ACSM3: variants seen among roughly 807,000 people sequenced by gnomAD.
The protein encoded by ACSM3 is acyl-CoA synthetase medium chain family member 3.
Under a neutral mutation model 74.1 loss-of-function variants are expected in ACSM3, and 61 were observed. The observed-to-expected ratio is 0.82, with a 90% CI of 0.67 to 1.02. The LOEUF (loss-of-function observed/expected upper bound fraction) is 1.02. Among genes scored for constraint, ACSM3 ranks in the 50% least tolerant of loss-of-function variants. The pLI is 0.00. For synonymous variants in ACSM3, 213 were observed against 241.5 expected (o/e 0.88, Z 1.09); for missense variants, 660 against 697.0 (o/e 0.95, Z 0.60).
chr16:20,760,556 G>A (rs1394564490), upstream of ACSM3, among the ~76,000 whole-genome samples: 1 of 151,840 alleles, frequency 6.6e-6, no homozygotes, highest in Non-Finnish European at 1.5e-5. Flanking sequence ...TAAACTTATC[G>A]GTCTTGTGAC....
rs779279874 is a variant in ACSM3 at position 20,785,033 on chromosome 16, A to G, written c.1069A>G (p.Thr357Ala). 3 of 1,613,588 alleles carry G rather than the reference A, an allele frequency of 1.9e-6. No homozygotes were observed. Among genetic ancestry groups the G allele is most frequent in the African/African-American group, 2.7e-5 (2 of 74,896 alleles). Residue 357 changes from threonine to alanine, a missense_variant, in exon 8 of 14, where the codon ACC becomes GCC. Physicochemically the swap from Thr to Ala is moderately conservative, Grantham distance 58. Coordinates refer to ENST00000289416, the MANE Select transcript of ACSM3 (RefSeq NM_005622.4). ...CTGTGTGAGTGCTGGGGAACCAATT[A>G]CCCCTGACGTGACTGAAAAATGGAG... ...KHCVSAGEPI[T>A]PDVTEKWRNK...
intron 1 of ACSM3, among the ~76,000 whole-genome samples, chr16:20,712,977 A>G (rs2079749126): frequency 6.6e-6 from 1 of 152,066 alleles, no homozygotes; most frequent in African/African-American, 2.4e-5. Flanking sequence ...CCTGCTGAAT[A>G]ACAGTTTTAT....
chr16:20,718,233 T>C, intron 1 of ACSM3: 1 of 243,590 alleles, frequency 4.1e-6, no homozygotes. Flanking sequence ...TGGATTAGGT[T>C]CAGTTCTGTT....
chr16:20,786,193 A>G lies in ACSM3; in HGVS notation c.1224+35A>G, dbSNP rs773942219. 10 of 1,606,576 alleles carry G rather than the reference A, an allele frequency of 6.2e-6. No individual in the cohort carries two copies. In the East Asian group the frequency reaches 2.0e-4, roughly 33 times the overall value. ...TCCCCTTCCAGGAGAATGTTTAACA[A>G]CCCAATCTGTACACTACCTACCTAC... On this transcript the variant is annotated intron_variant, in intron 9 of 13. Transcript: ENST00000289416.
At chr16:20,719,128 T>C (rs1389539893) in intron 1 of ACSM3, 2 of 154,326 alleles carry the variant, frequency 1.3e-5, no homozygotes, top group Non-Finnish European at 2.9e-5. Flanking sequence ...CTGCAGCCCT[T>C]AAGGTTTGGG....
At chr16:20,769,938 C>A in intron 1 of ACSM3, 46 bp from the exon 2 acceptor site, 4 of 1,261,052 alleles carry the variant, frequency 3.2e-6, no homozygotes, top group Non-Finnish European at 1.1e-6. Flanking sequence ...GGTATGGCTA[C>A]CTTCAGGACA....
intron 1 of ACSM3, chr16:20,741,489 GC>G: frequency 3.1e-6 from 2 of 641,886 alleles, no homozygotes; most frequent in Non-Finnish European, 4.1e-6. Context: ...CGGCCCGCCC[GC>G]CCACCCCGGG....
At chr16:20,682,088 G>A in intron 1 of ACSM3, 1 of 629,794 alleles carries the variant, frequency 1.6e-6, no homozygotes, top group Non-Finnish European at 2.7e-6. Context: ...ATGCTTAAAA[G>A]GTAACCTGAC....
intron 1 of ACSM3, among the ~76,000 whole-genome samples, chr16:20,713,398 C>A (rs2079750491): frequency 6.7e-6 from 1 of 148,268 alleles, no homozygotes; most frequent in Non-Finnish European, 1.5e-5. Context: ...TTTTAACATA[C>A]CCCCCCATAC....
rs2079951061 is a variant in ACSM3, at chr16:20,744,801, G to A, written c.-189-5109G>A. On this transcript the variant is annotated intron_variant, in intron 1 of 3. Transcript: ENST00000561584. ...ATGTCCATAAATCATCTCTGACCATGTGGCAGCACCAGGATGTCTCTAAAC... is the reference window on the plus strand; with the variant it reads ...ATGTCCATAAATCATCTCTGACCATATGGCAGCACCAGGATGTCTCTAAAC... 2.0e-5 allele frequency among the ~76,000 whole-genome samples: 3 copies of A among 152,322 alleles called. No homozygotes were observed. In the South Asian group the frequency reaches 6.2e-4, roughly 32 times the overall value.
At chr16:20,688,434 G>C (rs1483416509) in intron 1 of ACSM3, among the ~76,000 whole-genome samples, 1 of 152,036 alleles carries the variant, frequency 6.6e-6, no homozygotes, top group South Asian at 2.1e-4. Flanking sequence ...ACAATGCATG[G>C]TAATACAAAT....
intron 1 of ACSM3, chr16:20,737,749 T>A (rs2079882845): frequency 6.2e-7 from 1 of 1,613,638 alleles, no homozygotes. Context: ...CACATGACTG[T>A]TATTTCGAGA....
intron 1 of ACSM3, chr16:20,733,520 G>A (rs1410380362): frequency 2.0e-5 from 3 of 151,884 alleles, no homozygotes; most frequent in Non-Finnish European, 4.4e-5. Flanking sequence ...AATTATTCAA[G>A]GGTAATAATT....
intron 3 of ACSM3, among the ~76,000 whole-genome samples, chr16:20,758,328 T>C (rs1224176778): frequency 6.6e-6 from 1 of 152,238 alleles, no homozygotes; most frequent in Non-Finnish European, 1.5e-5. Flanking sequence ...TATTGGTCTA[T>C]TCAGAGATTC....
At chr16:20,738,999 C>G in intron 1 of ACSM3, 2 of 1,614,230 alleles carry the variant, frequency 1.2e-6, no homozygotes, top group Non-Finnish European at 1.7e-6. Context: ...TCACCAACTT[C>G]TTTCTTCAAG....
At chr16:20,709,490 A>C (rs2341642) in intron 1 of ACSM3, among the ~76,000 whole-genome samples, 93,984 of 152,026 alleles carry the variant, frequency 0.62, 30,202 homozygotes, top group Non-Finnish European at 0.72. Context: ...CTATCTGAAA[A>C]CCACTAGAAG....
chr16:20,782,235 TTTTTG>T (rs1300580247), intron 7 of ACSM3, among the ~76,000 whole-genome samples: 5 of 152,288 alleles, frequency 3.3e-5, no homozygotes, highest in East Asian at 1.9e-4. Context: ...TTTGTTTTTG[TTTTTG>T]TTTTGTTTTG....
rs1451072458 is a variant in ACSM3, at chr16:20,723,914, G to A, written c.-189-25996G>A. Among the ~76,000 whole-genome samples the A allele has an allele frequency of 2.6e-5, 4 of 152,176 alleles. No homozygotes were observed. The East Asian group carries it at 7.7e-4, about 29-fold the overall frequency. On this transcript the variant is annotated intron_variant, in intron 1 of 3. Coordinates refer to the ACSM3 transcript ENST00000561584. ...ATCCCATTTGTCAATGTTGGCTTTT[G>A]TTGCCATTGCTTTTGGTGTTTTAGA...
chr16:20,675,271 G>C (rs2020204414), intron 1 of ACSM3, among the ~76,000 whole-genome samples: 1 of 152,196 alleles, frequency 6.6e-6, no homozygotes, highest in Non-Finnish European at 1.5e-5. Flanking sequence ...GTGTGAAAGT[G>C]TGTGAAAGAG....
Sources: allele counts gnomAD v4.1 joint callset (sites outside exome capture counted in the v4.1 genomes callset), GRCh38; gene constraint gnomAD v4.1.1; transcripts MANE v1.5; gene names NCBI Gene and HGNC (gene_info 2026-07-23, HGNC 2026-07-21).